Variants in DNAH17 observed in about 807,000 individuals in gnomAD.
The protein encoded by DNAH17 is dynein axonemal heavy chain 17, also known as axonemal beta dynein heavy chain 17.
DNAH17 carries 376 observed loss-of-function variants against 485.6 expected under a neutral mutation model. The ratio of observed to expected loss-of-function variants is 0.77; its 90% CI spans 0.71 to 0.84. The LOEUF (loss-of-function observed/expected upper bound fraction) is 0.84, where lower values mean the gene tolerates loss of function less well. Among genes scored for constraint, DNAH17 ranks in the 40% least tolerant of loss-of-function variants. The probability of loss-of-function intolerance (pLI) is 0.00; values close to 1 mark genes in which losing one functional copy is unlikely to be tolerated. For synonymous variants in DNAH17, 3,031 were observed against 2,405.9 expected, an observed-to-expected ratio of 1.26 and a Z score of -7.60; for missense variants, 6,370 against 5,839.3, an observed-to-expected ratio of 1.09 and a Z score of -2.96.
In DNAH17 at chr17:78,495,040, G is replaced by A. The variant is rs780710268; in HGVS notation, c.5961C>T (p.Ala1987=). ...GAAGGCGGGCTTCCAGAAAGCCCTC[G>A]GCCATGAGCATGATCTCACATATCA... is the stretch of plus-strand genomic sequence containing the variant. ...FELICEIMLM[A]EGFLEARLLA... Residue 1987 remains alanine, a synonymous_variant, in exon 39 of 81, where the codon GCC becomes GCT. Transcript: ENST00000389840. The A allele has an allele frequency of 1.7e-5, 27 of 1,612,018 alleles. No homozygotes were observed. The highest frequency in any genetic ancestry group is 3.3e-5 in the South Asian group (3 of 90,712).
In DNAH17 at chr17:78,569,603, G is replaced by T. The variant is rs1218139374; in HGVS notation, c.1045-76C>A. The stretch of plus-strand genomic sequence containing the variant: ...TGACGTCCAGGCACGCCGCCTGCAG[G>T]ACCTGTGATCTGTTCTGACATATGG... On this transcript the variant is annotated intron_variant, in intron 7 of 80. Coordinates refer to ENST00000389840, the MANE Select transcript of DNAH17 (RefSeq NM_173628.4). 2.7e-6 allele frequency: 4 copies of T among 1,503,308 alleles called. No individual in the cohort carries two copies. The Admixed American group carries it at 6.2e-5, about 23-fold the overall frequency. 93.1% of individuals were successfully genotyped at this position (1,503,308 alleles called of 1,614,324 possible). A position where few individuals can be genotyped will look rare whatever the true frequency, so the allele number is the denominator to read the frequency against.
Position 78,491,539 on chromosome 17 carries a change from G to A in DNAH17, c.6573C>T (p.Ala2191=). The change falls in exon 43 of 81, where the codon GCC becomes GCT. Residue 2191 remains alanine, a synonymous_variant. Coordinates refer to ENST00000389840, the MANE Select transcript of DNAH17 (RefSeq NM_173628.4). ...ACTTGGGGCCGTCATGGGTGATGTT[G>A]GCCAGGTCTCGCATGATGGTGGAGA... The part of the protein sequence containing the change: ...GLFSTIMRDL[A]NITHDGPKWI... 13 of 1,614,016 alleles carry A rather than the reference G, an allele frequency of 8.1e-6. No homozygotes were observed. The highest frequency in any genetic ancestry group is 1.1e-5 in the Non-Finnish European group (13 of 1,179,948).
intron 22 of DNAH17, 139 bp downstream of exon 22, chr17:78,529,333 G>C (rs535805294): frequency 1.2e-6 from 1 of 858,506 alleles, no homozygotes; most frequent in East Asian, 2.6e-5. Flanking sequence ...GCACCTCCCT[G>C]TTCCATGGGG....
chr17:78,564,960 T>C (rs2092237690), intron 11 of DNAH17, among the ~76,000 whole-genome samples: 1 of 152,098 alleles, frequency 6.6e-6, no homozygotes, highest in Non-Finnish European at 1.5e-5. Context: ...TGCCAGATTC[T>C]TTGCTTAGCC....
chr17:78,573,817 G>C (rs1228260325), intron 2 of DNAH17, among the ~76,000 whole-genome samples: 1 of 152,064 alleles, frequency 6.6e-6, no homozygotes, highest in East Asian at 1.9e-4. Flanking sequence ...CCAGGACTGT[G>C]AGAAAATGTC....
Position 78,526,941 on chromosome 17 carries a change from G to A in DNAH17, c.3563C>T (p.Thr1188Ile). 1 of 1,588,816 alleles carries A rather than the reference G, an allele frequency of 6.3e-7. No individual in the cohort carries two copies. Among genetic ancestry groups the A allele is most frequent in the Non-Finnish European group, 8.6e-7 (1 of 1,167,384 alleles). ...TKKLAIQVKL[T>I]VAPLQANEVS... ...CTCGTTGGCCTGGAGTGGTGCCACG[G>A]TCAGCTTCACCTGAATGGCCAGTTT... The change falls in exon 23 of 81, where the codon ACC becomes ATC. Residue 1188 changes from threonine (T) to isoleucine (I), a missense_variant. Transcript: ENST00000389840.
At chr17:78,550,210 G>A (rs148726173) in intron 16 of DNAH17, among the ~76,000 whole-genome samples, 57 of 152,340 alleles carry the variant, frequency 3.7e-4, no homozygotes, top group African/African-American at 9.4e-4. Context: ...GACGTCCAGC[G>A]GACATTAACA....
In DNAH17 at chr17:78,461,604, C is replaced by T. The variant is rs2088130634; in HGVS notation, c.9279G>A (p.Lys3093=). ...LIQVVGIEAE[K]VSKEKAIADQ... ...CAGCAATGGCCTTCTCTTTGCTGAC[C>T]TTCTCGGCCTCGATGCCGACCACCT... The change falls in exon 58 of 81, where the codon AAG becomes AAA. Residue 3093 remains lysine (K), a synonymous_variant. Transcript: ENST00000389840. 2 of 1,607,548 alleles carry T rather than the reference C, an allele frequency of 1.2e-6. No homozygotes were observed. The highest frequency in any genetic ancestry group is 1.7e-5 in the Admixed American group (1 of 59,046).
chr17:78,423,868 C>T lies in DNAH17; in HGVS notation c.*38G>A, dbSNP rs752671887. ...CACAGGTGAAGGGCTGAGTTGTGGT[C>T]CAGCCCCAGGGAGTGTGGGCTGTGA... On this transcript the variant is annotated 3_prime_UTR_variant, in exon 81 of 81. Coordinates refer to ENST00000389840, the MANE Select transcript of DNAH17 (RefSeq NM_173628.4). The T allele has an allele frequency of 2.5e-6, 4 of 1,608,570 alleles. No individual in the cohort carries two copies. The Admixed American group carries it at 6.7e-5, about 27-fold the overall frequency.
At chr17:78,507,899 T>C (rs972011190) in intron 27 of DNAH17, 94 bp from the exon 28 acceptor site, 1 of 1,236,946 alleles carries the variant, frequency 8.1e-7, no homozygotes, top group Admixed American at 2.8e-5. Flanking sequence ...TGAAGCTCCA[T>C]GATCAGAAAG....
Position 78,437,820 on chromosome 17 carries a change from C to T in DNAH17, c.11854G>A (p.Glu3952Lys). The part of the protein sequence containing the change: ...RWLGTLDKKL[E>K]HYSTGSHEDY... ...TCATGGCTGCCCGTGCTGTAGTGCTCCAGCTTCTTGTCCAGTGTTCCCAGC... is the reference window on the plus strand; with the variant it reads ...TCATGGCTGCCCGTGCTGTAGTGCTTCAGCTTCTTGTCCAGTGTTCCCAGC... The change falls in exon 74 of 81, where the codon GAG becomes AAG. Residue 3952 changes from glutamate (E) to lysine (K), a missense_variant. Transcript: ENST00000389840. The T allele has an allele frequency of 6.2e-7, 1 of 1,612,066 alleles. No homozygotes were observed. The highest frequency in any genetic ancestry group is 1.3e-5 in the African/African-American group (1 of 75,024).
chr17:78,438,882 C>T (rs918490724), intron 73 of DNAH17, among the ~76,000 whole-genome samples: 2 of 152,152 alleles, frequency 1.3e-5, no homozygotes, highest in Non-Finnish European at 2.9e-5. Context: ...CCACGCTTTC[C>T]TCTGGGCAGT....
intron 19 of DNAH17, among the ~76,000 whole-genome samples, chr17:78,534,052 A>G (rs1420006974): frequency 6.6e-6 from 1 of 152,248 alleles, no homozygotes; most frequent in Non-Finnish European, 1.5e-5. Flanking sequence ...GGCCTTTCCC[A>G]GGGCTAGGCA....
At chr17:78,456,637 A>C (rs2087815503) in intron 62 of DNAH17, among the ~76,000 whole-genome samples, 1 of 152,168 alleles carries the variant, frequency 6.6e-6, no homozygotes, top group South Asian at 2.1e-4. Flanking sequence ...ACTGGTCCCT[A>C]ACCCTCAGAG....
chr17:78,488,996 G>A (rs1434175286), intron 44 of DNAH17, among the ~76,000 whole-genome samples: 2 of 152,128 alleles, frequency 1.3e-5, no homozygotes, highest in Non-Finnish European at 2.9e-5. Flanking sequence ...ACTGGGAGAG[G>A]ATAAATGTCT....
At chr17:78,498,921 G>T (rs545097749) in intron 37 of DNAH17, 87 bp downstream of exon 37, 2 of 1,018,388 alleles carry the variant, frequency 2.0e-6, no homozygotes, top group Non-Finnish European at 2.8e-6. Flanking sequence ...GAGAGGCAAG[G>T]AGGGTCTATC....
intron 44 of DNAH17, among the ~76,000 whole-genome samples, chr17:78,487,024 G>C (rs531303207): frequency 2.1e-5 from 3 of 141,958 alleles, no homozygotes; most frequent in African/African-American, 7.8e-5. Context: ...CAGTTAGTTT[G>C]AGTTGAATTT....
intron 22 of DNAH17, 63 bp downstream of exon 22, chr17:78,529,409 T>C: frequency 6.5e-7 from 1 of 1,539,614 alleles, no homozygotes; most frequent in Non-Finnish European, 9.0e-7. Flanking sequence ...GGCTGGTCCA[T>C]GGTCGCGGCC....
rs76704762 is a variant in DNAH17 at position 78,560,466 on chromosome 17, G to A, written c.2031+274C>T. 1.9e-3 allele frequency among the ~76,000 whole-genome samples: 279 copies of A among 145,946 alleles called. 4 individuals are homozygous for A. The East Asian group carries it at 0.041, about 21-fold the overall frequency. On this transcript the variant is annotated intron_variant, in intron 13 of 80. Coordinates refer to ENST00000389840, the MANE Select transcript of DNAH17 (RefSeq NM_173628.4). The stretch of plus-strand genomic sequence containing the variant: ...CCAGCCAGTGCATTTATCTAGATTC[G>A]GCAAAGACTTTTTCCCCCCCCCCAG...
Sources: gnomAD v4.1 joint callset for allele counts (sites outside exome capture counted in the v4.1 genomes callset) on GRCh38, gnomAD v4.1.1 for gene constraint, MANE v1.5 for transcripts, NCBI Gene and HGNC (gene_info 2026-07-23, HGNC 2026-07-21) for gene names.